Variants in CLPB observed in about 807,000 individuals in gnomAD.
CLPB encodes mitochondrial disaggregase.
A neutral mutation model predicts 78.4 loss-of-function variants in CLPB; 40 were observed. That is an observed-to-expected ratio of 0.51 (90% CI 0.40 to 0.66). CLPB has a LOEUF of 0.66. Among genes scored for constraint, CLPB ranks in the 30% least tolerant of loss-of-function variants. The pLI is 0.00. For missense variants in CLPB, 780 were observed against 886.9 expected (o/e 0.88, Z 1.53); for synonymous variants, 333 against 348.0 (o/e 0.96, Z 0.48).
chr11:72,352,624 T>C (rs1840170253), intron 5 of CLPB: 1 of 152,256 alleles, frequency 6.6e-6, no homozygotes, highest in South Asian at 2.1e-4. Context: ...AAAGGTCTTT[T>C]CTTTGTGATC....
chr11:72,311,120 A>G (rs1252046457), intron 7 of CLPB: 1 of 152,150 alleles, frequency 6.6e-6, no homozygotes, highest in African/African-American at 2.4e-5. Context: ...ATATCTGAAG[A>G]GAAAAACAGC....
At chr11:72,377,376 G>A (rs1854740149) in intron 4 of CLPB, among the ~76,000 whole-genome samples, 1 of 152,136 alleles carries the variant, frequency 6.6e-6, no homozygotes, top group Admixed American at 6.5e-5. Context: ...CTGGTATACA[G>A]GAATGTGATC....
At chr11:72,303,860 A>G (rs145272143) in intron 9 of CLPB, 13 of 152,346 alleles carry the variant, frequency 8.5e-5, no homozygotes, top group African/African-American at 3.1e-4. Context: ...CAGATGAGAA[A>G]ACTAAGTCAC....
chr11:72,373,960 CA>C (rs35682727), intron 4 of CLPB, among the ~76,000 whole-genome samples: 41,135 of 80,694 alleles, frequency 0.51, 7,449 homozygotes, highest in Middle Eastern at 0.6. Flanking sequence ...AACTCTGTCT[CA>C]AAAAAAAAAA....
At chr11:72,302,125 T>A in intron 10 of CLPB, 161 bp from the exon 11 acceptor site, 4 of 981,190 alleles carry the variant, frequency 4.1e-6, no homozygotes, top group Non-Finnish European at 6.1e-6. Flanking sequence ...ATCTTCTCTA[T>A]GTTTATTCTT....
chr11:72,343,127 G>C (rs1950451363), intron 5 of CLPB, among the ~76,000 whole-genome samples: 2 of 152,176 alleles, frequency 1.3e-5, no homozygotes, highest in South Asian at 4.2e-4. Context: ...AAGCCAAGTA[G>C]AGCCCTCTGC....
At chr11:72,420,285 G>A (rs918787929) in intron 2 of CLPB, among the ~76,000 whole-genome samples, 2 of 152,212 alleles carry the variant, frequency 1.3e-5, no homozygotes, top group African/African-American at 4.8e-5. Context: ...CGGATCAAGA[G>A]GTCAGGAGTT....
At chr11:72,404,683 G>A (rs1005291853) in intron 2 of CLPB, among the ~76,000 whole-genome samples, 3 of 152,190 alleles carry the variant, frequency 2.0e-5, no homozygotes, top group African/African-American at 7.2e-5. Flanking sequence ...ACAAAAGCAG[G>A]TGAGGGAGGG....
chr11:72,323,573 A>G (rs1361039643), intron 6 of CLPB, among the ~76,000 whole-genome samples: 1 of 151,986 alleles, frequency 6.6e-6, no homozygotes, highest in African/African-American at 2.4e-5. Context: ...CTCAAAAAAA[A>G]AAAAAAAAAA....
intron 3 of CLPB, among the ~76,000 whole-genome samples, chr11:72,383,531 A>C (rs1325901126): frequency 8.8e-6 from 1 of 114,152 alleles, no homozygotes; most frequent in Non-Finnish European, 1.8e-5. Context: ...ACTCTGTCTC[A>C]AAAAAAAAAA....
At chr11:72,373,857 G>A (rs889142058) in intron 4 of CLPB, among the ~76,000 whole-genome samples, 1 of 151,510 alleles carries the variant, frequency 6.6e-6, no homozygotes, top group Non-Finnish European at 1.5e-5. Flanking sequence ...CTACTTGGGA[G>A]GCTGAGGCAG....
rs1949388092 is a variant in CLPB at position 72,286,228 on chromosome 11, T to TTTTTTTTTTTTTTTG, written c.*7138_*7139insCAAAAAAAAAAAAAA. The stretch of plus-strand genomic sequence containing the variant: ...AGGTGTGAGATACTGCACCTGTTTT[T>TTTTTTTTTTTTTTTG]TTTTTTTTTTTTTTTTTTAAGAGAT... On this transcript the variant is annotated 3_prime_UTR_variant, in exon 16 of 16. Coordinates refer to ENST00000538039, the MANE Select transcript of CLPB (RefSeq NM_001258392.3). 1 of 132,614 alleles carries TTTTTTTTTTTTTTTG rather than the reference T, an allele frequency of 7.5e-6. No homozygotes were observed. The highest frequency in any genetic ancestry group is 1.6e-5 in the Non-Finnish European group (1 of 61,814). The allele number at this position is 132,614 out of a possible 1,614,324, so 8.2% of individuals were successfully genotyped here. A position where few individuals can be genotyped will look rare whatever the true frequency, so the allele number is the denominator to read the frequency against.
chr11:72,403,270 T>A (rs1385674694), intron 2 of CLPB, among the ~76,000 whole-genome samples: 1 of 152,172 alleles, frequency 6.6e-6, no homozygotes, highest in African/African-American at 2.4e-5. Context: ...TCAGCTCCTC[T>A]GGCCATTCTG....
intron 9 of CLPB, among the ~76,000 whole-genome samples, chr11:72,303,312 G>A (rs968084646): frequency 1.1e-4 from 17 of 152,214 alleles, no homozygotes; most frequent in African/African-American, 3.6e-4. Context: ...GATTCTCAGC[G>A]GGAGGTAGCT....
At position 72,408,130 on chromosome 11, in the gene CLPB, GTTC is replaced by G. The variant is rs758776500; in HGVS notation, c.456-5081_456-5079del. ...GCCATTCAGAGGAGGAAATCTTGGT[GTTC>G]TTCAGTGAGACTCCAGCATTCAGCC... On this transcript the variant is annotated intron_variant, in intron 2 of 15. Coordinates refer to ENST00000538039, the MANE Select transcript of CLPB (RefSeq NM_001258392.3). The G allele has an allele frequency of 1.3e-4, 198 of 1,535,336 alleles. No homozygotes were observed. The Middle Eastern group carries it at 1.5e-3, about 12-fold the overall frequency.
chr11:72,376,847 T>G (rs1854718412), intron 4 of CLPB, among the ~76,000 whole-genome samples: 2 of 152,064 alleles, frequency 1.3e-5, no homozygotes, highest in Non-Finnish European at 2.9e-5. Flanking sequence ...AAGTTTTGTA[T>G]TTTTAGTAGA....
At chr11:72,337,477 C>T (rs190718721) in intron 5 of CLPB, among the ~76,000 whole-genome samples, 1 of 152,284 alleles carries the variant, frequency 6.6e-6, no homozygotes, top group Admixed American at 6.5e-5. Context: ...GACAGGCTAA[C>T]ATTTTTTGGG....
chr11:72,313,378 C>A (rs751521139), intron 7 of CLPB, among the ~76,000 whole-genome samples: 38 of 152,198 alleles, frequency 2.5e-4, no homozygotes, highest in Non-Finnish European at 3.7e-4. Context: ...ATTCTTTCTG[C>A]AGGCAAACTA....
At chr11:72,315,449 G>A (rs529147454) in intron 7 of CLPB, among the ~76,000 whole-genome samples, 163 of 152,324 alleles carry the variant, frequency 1.1e-3, no homozygotes, top group African/African-American at 3.8e-3. Context: ...GGTTGTCCTG[G>A]TTTGGCTCCA....
Sources: gnomAD v4.1 joint callset for allele counts (sites outside exome capture counted in the v4.1 genomes callset) on GRCh38, gnomAD v4.1.1 for gene constraint, MANE v1.5 for transcripts, NCBI Gene and HGNC (gene_info 2026-07-23, HGNC 2026-07-21) for gene names.